KIFC3: variants seen among roughly 807,000 people sequenced by gnomAD.
KIFC3 encodes kinesin-like protein KIFC3.
In KIFC3, 60 loss-of-function variants were observed where a neutral mutation model predicts 101.8. The observed-to-expected ratio is 0.59, with a 90% CI of 0.48 to 0.73. KIFC3 has a LOEUF of 0.73. Among genes scored for constraint, KIFC3 ranks in the 30% least tolerant of loss-of-function variants. KIFC3 has a pLI of 0.00. For missense variants in KIFC3, 966 were observed against 1,137.1 expected, an observed-to-expected ratio of 0.85 and a Z score of 2.16; for synonymous variants, 476 against 482.7, an observed-to-expected ratio of 0.99 and a Z score of 0.18.
rs190866444 is a variant in KIFC3 at position 57,811,450 on chromosome 16, C to T, written c.109-13168G>A. On this transcript the variant is annotated intron_variant, in intron 1 of 2. Coordinates refer to the KIFC3 transcript ENST00000563028. ...ACCTACACAGAGGTCAGGCCAAGCG[C>T]GATGGCTCACGCCTATAATCTCAGC... Among the ~76,000 whole-genome samples the T allele has an allele frequency of 7.5e-4, 114 of 152,188 alleles. 1 individual carries two copies. The highest frequency in any genetic ancestry group is 9.8e-4 in the Admixed American group (15 of 15,296).
Position 57,845,339 on chromosome 16 carries a change from A to C in KIFC3, c.108+17390T>G, listed in dbSNP as rs139823458. ...TTGCGATAGTCCTTGACCAGCTGCA[A>C]TCACCTCGCAACTCAGCGGCCTGAC... On this transcript the variant is annotated intron_variant, in intron 1 of 2. Coordinates refer to the KIFC3 transcript ENST00000563028. Among the ~76,000 whole-genome samples the C allele has an allele frequency of 2.7e-3, 408 of 152,266 alleles. 2 individuals carry two copies. Among genetic ancestry groups the C allele is most frequent in the African/African-American group, 9.6e-3 (397 of 41,554 alleles).
chr16:57,798,144 G>A lies in KIFC3; in HGVS notation c.100C>T (p.Arg34Cys), dbSNP rs782608521. 12 of 1,552,342 alleles carry A rather than the reference G, an allele frequency of 7.7e-6. No homozygotes were observed. Among genetic ancestry groups the A allele is most frequent in the Admixed American group, 5.8e-5 (3 of 51,508 alleles). Residue 34 changes from arginine (R) to cysteine (C), a missense_variant, in exon 2 of 20, where the codon CGC (arginine) becomes TGC (cysteine). Physicochemically the swap from Arg to Cys is radical, Grantham distance 180 (BLOSUM62 -3). This residue lies in a region of KIFC3 where 277 missense variants were observed against 252.5 expected (regional missense o/e 1.10). Coordinates refer to ENST00000445690, the MANE Select transcript of KIFC3 (RefSeq NM_001130100.2). ...GGGCTGGCTGGGGCTGGGGCGGGGC[G>A]AGCCATCCCCGGCTCGGGCTCCGGG... ...RAPEPEPGMA[R>C]PAPAPASPAA...
chr16:57,797,791 C>T, intron 2 of KIFC3: 2 of 1,347,718 alleles, frequency 1.5e-6, no homozygotes, highest in Non-Finnish European at 1.9e-6. Context: ...ACCAGCTTGG[C>T]CAGAGGGAAT....
At chr16:57,789,776 G>A (rs2967119) in intron 3 of KIFC3, among the ~76,000 whole-genome samples, 139,872 of 152,110 alleles carry the variant, frequency 0.92, 64,917 homozygotes, top group Middle Eastern at 0.97. Context: ...TCACTCTGTT[G>A]CCCAGGCTGG....
At chr16:57,804,506 G>A (rs1311043056), upstream of KIFC3, among the ~76,000 whole-genome samples, 3 of 152,140 alleles carry the variant, frequency 2.0e-5, no homozygotes, top group African/African-American at 7.2e-5. Context: ...CACCAGCGAA[G>A]GAAAAAGGAA....
chr16:57,768,117 G>A (rs1292506900), intron 9 of KIFC3, among the ~76,000 whole-genome samples: 4 of 152,186 alleles, frequency 2.6e-5, no homozygotes, highest in African/African-American at 9.7e-5. Context: ...CCTGAGGTCA[G>A]GAGTTCAAAA....
At chr16:57,771,090 C>CCA in intron 6 of KIFC3, 108 bp downstream of exon 6, 1 of 1,370,218 alleles carries the variant, frequency 7.3e-7, no homozygotes, top group Non-Finnish European at 1.0e-6. Context: ...ATTCTTCCAC[C>CCA]CACACACACC....
Position 57,759,824 on chromosome 16 carries a change from A to G in KIFC3, c.2380T>C (p.Cys794Arg), listed in dbSNP as rs1555594140. The G allele has an allele frequency of 1.2e-6, 2 of 1,608,396 alleles. No individual in the cohort carries two copies. The highest frequency in any genetic ancestry group is 1.1e-5 in the South Asian group (1 of 90,376). The change falls in exon 18 of 20, where the codon TGT (cysteine) becomes CGT (arginine). Residue 794 changes from cysteine (C) to arginine (R), a missense_variant. By Grantham distance (180) the Cys-to-Arg change is radical (BLOSUM62 -3). Around this residue, in one of 2 missense-constraint regions of KIFC3, gnomAD observed 689 missense variants for 884.6 expected, o/e 0.78. Transcript: ENST00000445690. ...SQEHLEWEPA[C>R]QTPQPSARAH... is the part of the protein sequence containing the mutation. Reference sequence around the variant, plus strand: ...CGTGCCGAGGGCTGTGGCGTCTGACAAGCCGGCTCCCACTGTGAGCAGGGA... The same window carrying G: ...CGTGCCGAGGGCTGTGGCGTCTGACGAGCCGGCTCCCACTGTGAGCAGGGA...
At chr16:57,802,677 C>T (rs1188678725), upstream of KIFC3, 6 of 965,838 alleles carry the variant, frequency 6.2e-6, no homozygotes, top group African/African-American at 1.7e-5. The surrounding 1 kb of genome is among the most constrained non-coding windows in gnomAD (Gnocchi z 5.0). Flanking sequence ...CACTCCTTCG[C>T]GGGGCCTCCC....
At chr16:57,803,294 C>A (rs1555626228), upstream of KIFC3, 1 of 692,658 alleles carries the variant, frequency 1.4e-6, no homozygotes, top group Admixed American at 2.0e-5. Context: ...GGAGAGACAG[C>A]TGACCTGGAG....
intron 3 of KIFC3, among the ~76,000 whole-genome samples, chr16:57,777,305 A>G (rs1849889431): frequency 6.6e-6 from 1 of 152,248 alleles, no homozygotes; most frequent in African/African-American, 2.4e-5. Context: ...GCAATGCCTA[A>G]CAAAATCCCA....
intron 1 of KIFC3, among the ~76,000 whole-genome samples, chr16:57,800,475 T>C (rs1164558475): frequency 4.6e-5 from 7 of 152,184 alleles, no homozygotes; most frequent in Non-Finnish European, 7.4e-5. Context: ...GCAGACCAGC[T>C]GTCCAATGGG....
intron 1 of KIFC3, among the ~76,000 whole-genome samples, chr16:57,799,827 G>A (rs1446146757): frequency 6.6e-6 from 1 of 152,184 alleles, no homozygotes; most frequent in African/African-American, 2.4e-5. Flanking sequence ...GTGTAAGTGG[G>A]AAGGAGAGGT....
chr16:57,836,904 G>A (rs1489986372), intron 1 of KIFC3, among the ~76,000 whole-genome samples: 2 of 152,130 alleles, frequency 1.3e-5, no homozygotes, highest in Non-Finnish European at 2.9e-5. Context: ...GTATAGCCCA[G>A]GCTGGTCTCA....
At position 57,837,554 on chromosome 16, in the gene KIFC3, G is replaced by GAAGAAAGAAAGAAAAGA. The variant is rs1555480658; in HGVS notation, c.108+25174_108+25175insTCTTTTCTTTCTTTCTT. Among the ~76,000 whole-genome samples, 14 of 99,916 alleles carry GAAGAAAGAAAGAAAAGA rather than the reference G, an allele frequency of 1.4e-4. No homozygotes were observed. The Admixed American group carries it at 1.6e-3, about 12-fold the overall frequency. The allele number at this position is 99,916 out of a possible 152,430, so 65.5% of individuals were successfully genotyped here. On this transcript the variant is annotated intron_variant, in intron 1 of 2. Transcript: ENST00000563028. Reference sequence around the variant, plus strand: ...AAGAAAGAAAGAGAAAGGAAGGAAGGAAGAAAGAAAGAAAGAAAGAAAGAA... The same window carrying GAAGAAAGAAAGAAAAGA: ...AAGAAAGAAAGAGAAAGGAAGGAAGGAAGAAAGAAAGAAAAGAAAGAAAGAAAGAAAGAAAGAAAGAA...
At chr16:57,812,915 G>C (rs951322820) in intron 1 of KIFC3, among the ~76,000 whole-genome samples, 1 of 152,206 alleles carries the variant, frequency 6.6e-6, no homozygotes, top group African/African-American at 2.4e-5. Flanking sequence ...GGCAACCCCA[G>C]ACTAGACCTA....
chr16:57,844,812 T>C (rs1304121395), intron 1 of KIFC3, among the ~76,000 whole-genome samples: 1 of 152,170 alleles, frequency 6.6e-6, no homozygotes, highest in Non-Finnish European at 1.5e-5. Context: ...ATTTTCTGCT[T>C]GGTTCACCAA....
At chr16:57,764,862 G>A (rs1186807193) in intron 11 of KIFC3, among the ~76,000 whole-genome samples, 1 of 126,978 alleles carries the variant, frequency 7.9e-6, no homozygotes, top group Non-Finnish European at 1.7e-5. Flanking sequence ...GGAGGGGCCT[G>A]AAAGTGGGTG....
rs1430770393 is a variant in KIFC3, at chr16:57,802,256, T to TC, written c.-40+113dup. ...TTTCCCTCCCCGCGCCCATAGCGGG[T>TC]CCGGGCAGAGGGGTCCCGAGGGCAG... is the stretch of plus-strand genomic sequence containing the variant. On this transcript the variant is annotated intron_variant, in intron 1 of 19. Coordinates refer to ENST00000445690, the MANE Select transcript of KIFC3 (RefSeq NM_001130100.2). This position sits in a 1 kb window ranked among gnomAD's most constrained non-coding sequence, Gnocchi z 5.0. 10 of 477,284 alleles carry TC rather than the reference T, an allele frequency of 2.1e-5. No homozygotes were observed. The highest frequency in any genetic ancestry group is 2.7e-5 in the Non-Finnish European group (10 of 366,034). The allele number at this position is 477,284 out of a possible 1,614,324, so 29.6% of individuals were successfully genotyped here.
Sources: gnomAD v4.1 joint callset for allele counts (sites outside exome capture counted in the v4.1 genomes callset) on GRCh38, gnomAD v4.1.1 for gene constraint, gnomAD v4.1.1 regional missense constraint, Gnocchi (gnomAD v3.1) non-coding constraint, MANE v1.5 for transcripts, NCBI Gene and HGNC (gene_info 2026-07-23, HGNC 2026-07-21) for gene names.